The following LARP1 variants were observed in gnomAD, a reference collection of about 807,000 sequenced individuals.
LARP1 encodes la-related protein 1.
In LARP1, 36 loss-of-function variants were observed where a neutral mutation model predicts 122.7. The observed-to-expected ratio is 0.29, with a 90% CI of 0.22 to 0.39. The LOEUF is 0.39. Ranked by LOEUF, LARP1 falls within the 10% of genes least tolerant of loss-of-function variation. The pLI, the probability that LARP1 is intolerant of heterozygous loss-of-function variation, is 1.00. For missense variants in LARP1, 1,040 were observed against 1,403.6 expected, an observed-to-expected ratio of 0.74 and a Z score of 4.14; for synonymous variants, 539 against 528.7, an observed-to-expected ratio of 1.02 and a Z score of -0.27.
chr5:154,765,394 G>A (rs1241198002), intron 1 of LARP1, among the ~76,000 whole-genome samples: 1 of 151,934 alleles, frequency 6.6e-6, no homozygotes, highest in Non-Finnish European at 1.5e-5. Flanking sequence ...TCTCCCCACT[G>A]CCCCCCGCCG....
At chr5:154,798,206 G>A (rs1298348174) in intron 8 of LARP1, among the ~76,000 whole-genome samples, 3 of 152,106 alleles carry the variant, frequency 2.0e-5, no homozygotes, top group African/African-American at 7.2e-5. Flanking sequence ...TAGAGTCTCA[G>A]CATGGTATAG....
chr5:154,765,052 A>G (rs942074696), intron 1 of LARP1, among the ~76,000 whole-genome samples: 4 of 152,066 alleles, frequency 2.6e-5, no homozygotes. Context: ...TATCACTCCT[A>G]CTTAAAGCCC....
upstream of LARP1, among the ~76,000 whole-genome samples, chr5:154,709,597 GA>G: frequency 8.6e-6 from 1 of 116,842 alleles, no homozygotes; most frequent in African/African-American, 3.3e-5. Context: ...TCTCCAGTGA[GA>G]TTTTTTTTTT....
intron 1 of LARP1, among the ~76,000 whole-genome samples, chr5:154,721,652 C>T (rs1355716750): frequency 6.6e-6 from 1 of 152,178 alleles, no homozygotes; most frequent in Non-Finnish European, 1.5e-5. Context: ...AACTGGAATT[C>T]AACATCCTAG....
intron 1 of LARP1, among the ~76,000 whole-genome samples, chr5:154,735,573 A>T (rs1313646808): frequency 6.7e-6 from 1 of 149,074 alleles, no homozygotes; most frequent in African/African-American, 2.5e-5. Flanking sequence ...TTATTTATTT[A>T]TTTATTTTTT....
At position 154,808,472 on chromosome 5, in the gene LARP1, G is replaced by A. The variant is rs541854427; in HGVS notation, c.2712G>A (p.Leu904=). The A allele has an allele frequency of 2.5e-6, 4 of 1,613,062 alleles. No homozygotes were observed. The highest frequency in any genetic ancestry group is 3.4e-6 in the Non-Finnish European group (4 of 1,179,744). Residue 904 remains leucine (L), a synonymous_variant, in exon 16 of 19, where the codon TTG becomes TTA. Transcript: ENST00000518297. Reference sequence around the variant, plus strand: ...CTTTCCCATCAGAGCGGAAACGCTTGGGCATTGGCCAGTCTCAGGAGATGA... The same window carrying A: ...CTTTCCCATCAGAGCGGAAACGCTTAGGCATTGGCCAGTCTCAGGAGATGA... ...RRRCLNERKR[L]GIGQSQEMNT... is the part of the protein sequence containing the mutation.
Position 154,755,707 on chromosome 5 carries a change from G to T in LARP1, c.-51G>T, listed in dbSNP as rs1051180257. ...CGCTCTGCTAGCCAAGTTCGAGGCG[G>T]GGGAGGCAGCCTCGGGCGCGCCCGG... On this transcript the variant is annotated 5_prime_UTR_variant, in exon 1 of 19. Coordinates refer to ENST00000518297, the MANE Select transcript of LARP1 (RefSeq NM_033551.3). The T allele has an allele frequency of 6.1e-6, 6 of 987,964 alleles. No homozygotes were observed. Among genetic ancestry groups the T allele is most frequent in the Non-Finnish European group, 7.2e-6 (6 of 830,454 alleles). The allele number at this position is 987,964 out of a possible 1,614,324, so 61.2% of individuals were successfully genotyped here.
At chr5:154,723,558 C>G (rs571137842) in intron 1 of LARP1, among the ~76,000 whole-genome samples, 1 of 152,240 alleles carries the variant, frequency 6.6e-6, no homozygotes, top group South Asian at 2.1e-4. Flanking sequence ...GGTTCTAGTT[C>G]TGGCTGTACC....
At chr5:154,738,732 T>C (rs1227591968) in intron 1 of LARP1, among the ~76,000 whole-genome samples, 1 of 152,028 alleles carries the variant, frequency 6.6e-6, no homozygotes, top group African/African-American at 2.4e-5. Context: ...CCTTATGAGA[T>C]AGGACACAGA....
intron 15 of LARP1, among the ~76,000 whole-genome samples, chr5:154,806,352 C>T (rs1366945064): frequency 6.6e-6 from 1 of 152,154 alleles, no homozygotes; most frequent in African/African-American, 2.4e-5. Context: ...CACTGTCCAT[C>T]ACAAAAGGGT....
chr5:154,691,295 GC>G (rs1488056217), intron 1 of LARP1, among the ~76,000 whole-genome samples: 4 of 150,362 alleles, frequency 2.7e-5, no homozygotes, highest in Non-Finnish European at 4.4e-5. Context: ...TATCAGACTT[GC>G]AATCAAGAGA....
At chr5:154,731,322 G>C (rs1756554926) in intron 1 of LARP1, among the ~76,000 whole-genome samples, 1 of 152,124 alleles carries the variant, frequency 6.6e-6, no homozygotes, top group Non-Finnish European at 1.5e-5. Context: ...ATTATGTAAT[G>C]ACCATGTGTA....
At position 154,781,473 on chromosome 5, in the gene LARP1, A is replaced by G. The variant is rs183988828; in HGVS notation, c.437-8852A>G. Among the ~76,000 whole-genome samples the G allele has an allele frequency of 3.6e-4, 55 of 151,480 alleles. 1 individual carries two copies. Among genetic ancestry groups the G allele is most frequent in the Admixed American group, 3.0e-3 (45 of 15,214 alleles). On this transcript the variant is annotated intron_variant, in intron 1 of 18. Coordinates refer to ENST00000518297, the MANE Select transcript of LARP1 (RefSeq NM_033551.3). ...CTGGGCATGGTGACACACACCTGTAATCCCAGCTACTCGGGAGGCTGAGGC... is the reference window on the plus strand; with the variant it reads ...CTGGGCATGGTGACACACACCTGTAGTCCCAGCTACTCGGGAGGCTGAGGC...
chr5:154,716,549 A>G (rs1755520413), intron 1 of LARP1, among the ~76,000 whole-genome samples: 1 of 152,136 alleles, frequency 6.6e-6, no homozygotes, highest in Non-Finnish European at 1.5e-5. Flanking sequence ...CCAGGGTTCA[A>G]GCGATCCTCC....
chr5:154,799,588 C>G lies in LARP1; in HGVS notation c.1378-3C>G. 1 of 1,613,896 alleles carries G rather than the reference C, an allele frequency of 6.2e-7. No individual in the cohort carries two copies. Among genetic ancestry groups the G allele is most frequent in the Non-Finnish European group, 8.5e-7 (1 of 1,179,784 alleles). On this transcript the variant is annotated splice_region_variant and splice_polypyrimidine_tract_variant and intron_variant, in intron 8 of 18. Coordinates refer to ENST00000518297, the MANE Select transcript of LARP1 (RefSeq NM_033551.3). ...ATCCCCTCTTCCTTCTCCTCCCCTT[C>G]AGGCCCTAAAGGACAGCAAGGTGGT...
upstream of LARP1, among the ~76,000 whole-genome samples, chr5:154,755,258 C>CGGGCGCGGCCCGGCCAGCG (rs11416035): frequency 1.4e-5 from 2 of 146,980 alleles, no homozygotes; most frequent in African/African-American, 4.9e-5. Flanking sequence ...GCCCGGCCAG[C>CGGGCGCGGCCCGGCCAGCG]GGCGCGCCCC....
intron 1 of LARP1, among the ~76,000 whole-genome samples, chr5:154,733,567 CT>C (rs11350739): frequency 0.97 from 137,783 of 141,806 alleles, 66,922 homozygotes; most frequent in East Asian, 1. Flanking sequence ...TTCTTTCTTT[CT>C]TTTTTTTTTT....
At chr5:154,756,783 T>G (rs1042497087) in intron 1 of LARP1, among the ~76,000 whole-genome samples, 4 of 152,104 alleles carry the variant, frequency 2.6e-5, no homozygotes, top group African/African-American at 9.7e-5. Context: ...GGGTCAGTTG[T>G]GGGGAGAAGA....
intron 1 of LARP1, among the ~76,000 whole-genome samples, chr5:154,714,843 T>G (rs752775479): frequency 2.6e-5 from 4 of 152,188 alleles, no homozygotes; most frequent in Admixed American, 2.0e-4. Flanking sequence ...GTGTGAGCGT[T>G]GTGTGCGTAT....
Sources: gnomAD v4.1 joint callset for allele counts (sites outside exome capture counted in the v4.1 genomes callset) on GRCh38, gnomAD v4.1.1 for gene constraint, MANE v1.5 for transcripts, NCBI Gene and HGNC (gene_info 2026-07-23, HGNC 2026-07-21) for gene names.